The following SLC9A7 variants were observed in gnomAD, a reference collection of about 807,000 sequenced individuals.
SLC9A7 encodes the protein solute carrier family 9 member A7.
Under a neutral mutation model 52.6 loss-of-function variants are expected in SLC9A7, and 19 were observed. That is an observed-to-expected ratio of 0.36 (90% CI 0.25 to 0.53). The LOEUF (loss-of-function observed/expected upper bound fraction) is 0.53. SLC9A7 is among the 20% of genes least tolerant of loss of function. SLC9A7 has a pLI of 0.91. For synonymous variants in SLC9A7, 226 were observed against 252.1 expected, an observed-to-expected ratio of 0.90 and a Z score of 0.98; for missense variants, 455 against 597.9, an observed-to-expected ratio of 0.76 and a Z score of 2.49.
At chrX:46,748,685 A>G (rs1453011946) in intron 1 of SLC9A7, among the ~76,000 whole-genome samples, 2 of 109,721 alleles carry the variant, frequency 1.8e-5, no homozygotes, top group Non-Finnish European at 3.8e-5. Context: ...CAAATGAAAT[A>G]AGCCAGACAC....
chrX:46,657,412 G>C (rs372233657), intron 7 of SLC9A7, among the ~76,000 whole-genome samples: 3 of 109,579 alleles, frequency 2.7e-5, no homozygotes, highest in Admixed American at 2.0e-4. Flanking sequence ...GCTCCAATTA[G>C]AAGACACAGA....
chrX:46,610,740 G>A (rs1942834448), intron 16 of SLC9A7, among the ~76,000 whole-genome samples: 1 of 111,952 alleles, frequency 8.9e-6, no homozygotes, highest in Non-Finnish European at 1.9e-5. Context: ...AACTTGGAGT[G>A]GTCCCTTGAA....
At chrX:46,661,553 GT>G (rs1943823042) in intron 7 of SLC9A7, among the ~76,000 whole-genome samples, 1 of 111,034 alleles carries the variant, frequency 9.0e-6, no homozygotes, top group African/African-American at 3.3e-5. Context: ...TGTTTTTTTA[GT>G]TTGTTTAAAC....
chrX:46,714,446 T>A (rs1167477383), intron 1 of SLC9A7, among the ~76,000 whole-genome samples: 1 of 111,614 alleles, frequency 9.0e-6, no homozygotes, highest in African/African-American at 3.3e-5. Flanking sequence ...GGATGCTCTA[T>A]ATAATCTGGC....
At chrX:46,702,632 G>A (rs1240749841) in intron 1 of SLC9A7, among the ~76,000 whole-genome samples, 1 of 112,029 alleles carries the variant, frequency 8.9e-6, no homozygotes, top group Non-Finnish European at 1.9e-5. Context: ...TTTTATGGCC[G>A]TGTAGTATTC....
At chrX:46,662,913 C>A (rs1333441158) in intron 5 of SLC9A7, among the ~76,000 whole-genome samples, 3 of 112,717 alleles carry the variant, frequency 2.7e-5, no homozygotes, top group Non-Finnish European at 3.7e-5. Context: ...TTGAAAGTAT[C>A]TGTTACAGAA....
At chrX:46,659,950 C>G (rs1050686296) in intron 7 of SLC9A7, among the ~76,000 whole-genome samples, 2 of 110,716 alleles carry the variant, frequency 1.8e-5, no homozygotes, top group African/African-American at 6.6e-5. Flanking sequence ...GGAGGCATCA[C>G]GCTACCTGAC....
intron 10 of SLC9A7, among the ~76,000 whole-genome samples, chrX:46,649,991 G>A (rs1943555699): frequency 8.9e-6 from 1 of 112,043 alleles, no homozygotes; most frequent in Admixed American, 9.4e-5. Context: ...CACTGATCTT[G>A]CAGATTTTTA....
intron 12 of SLC9A7, among the ~76,000 whole-genome samples, chrX:46,638,190 C>T (rs772064712): frequency 9.9e-4 from 111 of 112,172 alleles, no homozygotes; most frequent in Middle Eastern, 4.6e-3. Context: ...GCCATCACAC[C>T]ACAAGCCACA....
intron 1 of SLC9A7, among the ~76,000 whole-genome samples, chrX:46,710,816 T>C (rs1944676158): frequency 9.5e-6 from 1 of 105,561 alleles, no homozygotes; most frequent in Non-Finnish European, 1.9e-5. Flanking sequence ...CAATTGCCTC[T>C]GTTCTTCCTC....
At chrX:46,648,075 C>T (rs984840066) in intron 11 of SLC9A7, among the ~76,000 whole-genome samples, 6 of 112,450 alleles carry the variant, frequency 5.3e-5, no homozygotes, top group African/African-American at 1.9e-4. Flanking sequence ...CCCTCAGTGG[C>T]TTCTCCAGAC....
chrX:46,756,200 T>G lies in SLC9A7; in HGVS notation c.325+2505A>C, dbSNP rs782206523. On this transcript the variant is annotated intron_variant, in intron 1 of 16. Transcript: ENST00000616978. ...TTTGCCTCCAGAAATTAAGTTGGGT[T>G]CCCAGCACACAGTGGATACTTTAAA... Among the ~76,000 whole-genome samples, 11 of 111,645 alleles carry G rather than the reference T, an allele frequency of 9.9e-5. No homozygotes were observed. In the South Asian group the frequency reaches 4.1e-3, roughly 42 times the overall value.
rs186550756 is a variant in SLC9A7, at chrX:46,685,307, G to A, written c.326-2772C>T. ...GTGTACCGTTTTCTCCTTCAACATC[G>A]AACTCCACAGCTTCTCCATCCCCTG... is the stretch of plus-strand genomic sequence containing the variant. On this transcript the variant is annotated intron_variant, in intron 1 of 16. Coordinates refer to ENST00000616978, the MANE Select transcript of SLC9A7 (RefSeq NM_001257291.2). 2.6e-3 allele frequency: 318 copies of A among 120,021 alleles called. 4 individuals carry two copies. The highest frequency in any genetic ancestry group is 9.7e-3 in the African/African-American group (297 of 30,704). 9.9% of individuals were successfully genotyped at this position (120,021 alleles called of 1,213,427 possible).
At chrX:46,612,445 CT>C (rs1942867343) in intron 16 of SLC9A7, among the ~76,000 whole-genome samples, 1 of 111,429 alleles carries the variant, frequency 9.0e-6, no homozygotes, top group Admixed American at 9.5e-5. Flanking sequence ...TGTACATGTT[CT>C]TTTCATACTG....
intron 3 of SLC9A7, among the ~76,000 whole-genome samples, chrX:46,675,746 A>G (rs886445475): frequency 1.8e-5 from 2 of 112,410 alleles, no homozygotes; most frequent in African/African-American, 3.2e-5. Flanking sequence ...CCTGCCCCAC[A>G]CTGGGGAGGA....
intron 5 of SLC9A7, among the ~76,000 whole-genome samples, chrX:46,666,087 G>A (rs757399932): frequency 1.8e-5 from 2 of 111,221 alleles, no homozygotes; most frequent in Non-Finnish European, 3.8e-5. Context: ...ATACCACTCT[G>A]TATCCTAACA....
intron 7 of SLC9A7, 84 bp from the exon 8 acceptor site, chrX:46,653,798 C>G (rs955387104): frequency 1.5e-6 from 1 of 658,855 alleles, no homozygotes; most frequent in Admixed American, 3.1e-5. Flanking sequence ...AGGACCCCTC[C>G]CCAAAGGGCT....
At chrX:46,661,662 G>A (rs779002036) in intron 7 of SLC9A7, among the ~76,000 whole-genome samples, 1 of 111,609 alleles carries the variant, frequency 9.0e-6, no homozygotes, top group South Asian at 3.7e-4. Context: ...CAGCTAGCTG[G>A]GGCTAAAGTA....
At chrX:46,744,266 A>C (rs1262380589) in intron 1 of SLC9A7, among the ~76,000 whole-genome samples, 3 of 112,459 alleles carry the variant, frequency 2.7e-5, no homozygotes, top group Non-Finnish European at 5.6e-5. Context: ...GAACTTGATC[A>C]CATAACTACA....
Sources: allele counts gnomAD v4.1 joint callset (sites outside exome capture counted in the v4.1 genomes callset), GRCh38; gene constraint gnomAD v4.1.1; transcripts MANE v1.5; gene names NCBI Gene and HGNC (gene_info 2026-07-23, HGNC 2026-07-21).